LHFPL3: variants seen among roughly 807,000 people sequenced by gnomAD.
LHFPL3 encodes the protein LHFPL tetraspan subfamily member 3 protein.
In LHFPL3, 5 loss-of-function variants were observed where a neutral mutation model predicts 19.3. The ratio of observed to expected loss-of-function variants is 0.26; its 90% CI spans 0.14 to 0.54. The LOEUF is 0.54. Ranked by LOEUF, LHFPL3 falls within the 20% of genes least tolerant of loss-of-function variation. The pLI is 0.94. For synonymous variants in LHFPL3, 133 were observed against 126.2 expected (o/e 1.05, Z -0.36); for missense variants, 249 against 307.4 (o/e 0.81, Z 1.42).
At chr7:104,682,585 T>C (rs555772579) in intron 1 of LHFPL3, among the ~76,000 whole-genome samples, 7 of 152,310 alleles carry the variant, frequency 4.6e-5, no homozygotes, top group Admixed American at 3.3e-4. Flanking sequence ...CTCTGGCGAC[T>C]GGTGCTGAAA....
chr7:104,545,570 A>G (rs1794563252), intron 1 of LHFPL3, among the ~76,000 whole-genome samples: 1 of 152,210 alleles, frequency 6.6e-6, no homozygotes, highest in Non-Finnish European at 1.5e-5. Context: ...TTTGATCCCT[A>G]TGGGCTTTCC....
At chr7:104,602,698 A>T (rs1327207439) in intron 1 of LHFPL3, among the ~76,000 whole-genome samples, 2 of 152,202 alleles carry the variant, frequency 1.3e-5, no homozygotes, top group Non-Finnish European at 2.9e-5. Context: ...GTCTTAGTTT[A>T]TTTTATGTTA....
intron 1 of LHFPL3, among the ~76,000 whole-genome samples, chr7:104,469,644 T>C (rs1178242360): frequency 2.0e-5 from 3 of 152,184 alleles, no homozygotes; most frequent in South Asian, 4.1e-4. Flanking sequence ...CCCTGGGGGA[T>C]TTCCAGGATT....
intron 1 of LHFPL3, among the ~76,000 whole-genome samples, chr7:104,624,333 T>C (rs768652722): frequency 2.6e-5 from 4 of 152,224 alleles, no homozygotes; most frequent in Non-Finnish European, 5.9e-5. Flanking sequence ...CTCTAATTCA[T>C]TCCTGTGCTT....
At chr7:104,851,989 C>CA (rs1246541977) in intron 2 of LHFPL3, among the ~76,000 whole-genome samples, 4 of 152,094 alleles carry the variant, frequency 2.6e-5, no homozygotes, top group African/African-American at 4.8e-5. Context: ...TCCATTTACC[C>CA]ACATTCCTTT....
chr7:104,489,984 C>T (rs533379089), intron 1 of LHFPL3, among the ~76,000 whole-genome samples: 117 of 152,240 alleles, frequency 7.7e-4, no homozygotes, highest in Middle Eastern at 3.4e-3. Context: ...ATGTGCTTAT[C>T]AGCATAGTCT....
chr7:104,665,050 G>A (rs1792305389), intron 1 of LHFPL3, among the ~76,000 whole-genome samples: 1 of 152,176 alleles, frequency 6.6e-6, no homozygotes, highest in Non-Finnish European at 1.5e-5. Context: ...GCAATACTGT[G>A]TTCATGGGAA....
intron 1 of LHFPL3, among the ~76,000 whole-genome samples, chr7:104,485,703 T>G (rs1793223066): frequency 6.6e-6 from 1 of 152,164 alleles, no homozygotes; most frequent in African/African-American, 2.4e-5. Context: ...ATGTGCCATG[T>G]TGGTTTGCTG....
chr7:104,347,818 G>C (rs1221141261), intron 1 of LHFPL3, among the ~76,000 whole-genome samples: 1 of 151,868 alleles, frequency 6.6e-6, no homozygotes, highest in East Asian at 1.9e-4. Context: ...CTTGAACCCG[G>C]GAGGCAGAGG....
intron 2 of LHFPL3, among the ~76,000 whole-genome samples, chr7:104,900,437 C>A (rs368829701): frequency 6.6e-6 from 1 of 152,222 alleles, no homozygotes; most frequent in Non-Finnish European, 1.5e-5. Context: ...CCACTGCATA[C>A]AGAAATAGCA....
At chr7:104,723,498 G>C (rs1793524806) in intron 1 of LHFPL3, among the ~76,000 whole-genome samples, 2 of 151,970 alleles carry the variant, frequency 1.3e-5, no homozygotes. Flanking sequence ...GAGGTGGGTG[G>C]ATCACTTGAA....
chr7:104,839,563 GGAGGCTGAGGCACAAGAGT>G (rs1270681125), intron 2 of LHFPL3, among the ~76,000 whole-genome samples: 2 of 152,038 alleles, frequency 1.3e-5, no homozygotes, highest in Non-Finnish European at 2.9e-5. Flanking sequence ...CAGCTACTTG[GGAGGCTGAGGCACAAGAGT>G]CATTTGAATC....
intron 1 of LHFPL3, among the ~76,000 whole-genome samples, chr7:104,424,995 AAAAAAAAAAAG>A (rs1288807676): frequency 2.0e-5 from 3 of 150,558 alleles, no homozygotes; most frequent in Non-Finnish European, 4.4e-5. Flanking sequence ...AAAAAAAAAA[AAAAAAAAAAAG>A]AAGTATCTGA....
At chr7:104,587,252 A>G (rs1201920387) in intron 1 of LHFPL3, among the ~76,000 whole-genome samples, 1 of 152,092 alleles carries the variant, frequency 6.6e-6, no homozygotes, top group Non-Finnish European at 1.5e-5. Context: ...TGTATCTCCT[A>G]ATGCTATCCC....
intron 1 of LHFPL3, among the ~76,000 whole-genome samples, chr7:104,552,404 T>C (rs1316861263): frequency 2.0e-5 from 3 of 152,162 alleles, no homozygotes; most frequent in Non-Finnish European, 2.9e-5. Context: ...TAATTAGAGC[T>C]CAGTGGATTT....
At chr7:104,365,988 T>G (rs188931930) in intron 1 of LHFPL3, among the ~76,000 whole-genome samples, 164 of 152,172 alleles carry the variant, frequency 1.1e-3, no homozygotes, top group African/African-American at 3.5e-3. Context: ...GCATGGCGTG[T>G]TTTTCATTAT....
rs1207145228 is a variant in LHFPL3 at position 104,597,071 on chromosome 7, C to T, written c.446-139604C>T. On this transcript the variant is annotated intron_variant, in intron 1 of 2. Transcript: ENST00000424859. Reference sequence around the variant, plus strand: ...CATCAGCCCTCCAAATAAATTTATGCTGTACCTGTTTCCTGTTTCTGTCAT... The same window carrying T: ...CATCAGCCCTCCAAATAAATTTATGTTGTACCTGTTTCCTGTTTCTGTCAT... 3.9e-5 allele frequency among the ~76,000 whole-genome samples: 6 copies of T among 152,212 alleles called. No individual in the cohort carries two copies. In the South Asian group the frequency reaches 1.0e-3, roughly 26 times the overall value.
At chr7:104,417,884 C>CTTTTT (rs762794916) in intron 1 of LHFPL3, among the ~76,000 whole-genome samples, 6,357 of 117,602 alleles carry the variant, frequency 0.054, 299 homozygotes, top group Middle Eastern at 0.088. Flanking sequence ...TCTTCTTCTT[C>CTTTTT]TTTTTTTTTT....
At chr7:104,329,359 TG>T (rs1468637415) in intron 1 of LHFPL3, 135 bp downstream of exon 1, 2 of 1,187,816 alleles carry the variant, frequency 1.7e-6, no homozygotes, top group Admixed American at 3.0e-5. Context: ...CGTCGAGGTG[TG>T]GGGGGCGGGA....
Sources: gnomAD v4.1 joint callset for allele counts (sites outside exome capture counted in the v4.1 genomes callset) on GRCh38, gnomAD v4.1.1 for gene constraint, MANE v1.5 for transcripts, NCBI Gene and HGNC (gene_info 2026-07-23, HGNC 2026-07-21) for gene names.